Variants in ANTXRL observed in about 807,000 individuals in gnomAD.
The protein encoded by ANTXRL is ANTXR like.
ANTXRL carries 63 observed loss-of-function variants against 75.4 expected under a neutral mutation model. The observed-to-expected ratio is 0.84, with a 90% CI of 0.68 to 1.03. The LOEUF is 1.03. ANTXRL is among the 50% of genes least tolerant of loss of function. The probability of loss-of-function intolerance (pLI) is 0.00; values close to 1 mark genes in which losing one functional copy is unlikely to be tolerated. For synonymous variants in ANTXRL, 335 were observed against 291.3 expected (o/e 1.15, Z -1.53); for missense variants, 797 against 789.4 (o/e 1.01, Z -0.12).
rs536513655 is a variant in ANTXRL, at chr10:46,325,267, G to A, written c.1411-4332G>A. Among the ~76,000 whole-genome samples, 3 of 152,248 alleles carry A rather than the reference G, an allele frequency of 2.0e-5. No individual in the cohort carries two copies. In the East Asian group the frequency reaches 5.8e-4, roughly 29 times the overall value. On this transcript the variant is annotated intron_variant, in intron 16 of 16. Transcript: ENST00000620264. ...GGGAGGAGCCTTGGTGGTAGACTGA[G>A]ACAAAAGTCAACAATCTCCTTTCCC...
intron 2 of ANTXRL, among the ~76,000 whole-genome samples, chr10:46,293,264 A>G (rs1213001511): frequency 4.2e-5 from 4 of 95,114 alleles, no homozygotes; most frequent in African/African-American, 1.2e-4. Context: ...GGGTGTGTAT[A>G]CCTGTGCGTG....
chr10:46,303,234 G>C (rs1837865316), intron 10 of ANTXRL, among the ~76,000 whole-genome samples: 1 of 152,162 alleles, frequency 6.6e-6, no homozygotes, highest in African/African-American at 2.4e-5. Flanking sequence ...CCAGTAGCTT[G>C]CCCAGAGGGG....
intron 10 of ANTXRL, among the ~76,000 whole-genome samples, chr10:46,304,599 G>T (rs1468280224): frequency 6.6e-6 from 1 of 152,110 alleles, no homozygotes; most frequent in African/African-American, 2.4e-5. Context: ...AGGCATATAG[G>T]CATAAAACCC....
At chr10:46,287,579 A>G (rs1264193414) in intron 1 of ANTXRL, 69 bp downstream of exon 1, 2 of 1,475,800 alleles carry the variant, frequency 1.4e-6, no homozygotes, top group Non-Finnish European at 1.8e-6. Flanking sequence ...CACTAGGGAC[A>G]GGACACCACT....
At chr10:46,322,184 T>C (rs944346182) in intron 16 of ANTXRL, among the ~76,000 whole-genome samples, 2 of 152,064 alleles carry the variant, frequency 1.3e-5, no homozygotes, top group South Asian at 2.1e-4. Context: ...TGATACCCCG[T>C]TGAGGTTGGC....
intron 10 of ANTXRL, among the ~76,000 whole-genome samples, chr10:46,304,163 A>G (rs1217246544): frequency 9.2e-5 from 14 of 152,180 alleles, no homozygotes; most frequent in Non-Finnish European, 4.4e-5. Context: ...GCTAATGCTT[A>G]CTGAGCACTT....
intron 10 of ANTXRL, among the ~76,000 whole-genome samples, chr10:46,304,802 T>C (rs1450836578): frequency 1.3e-5 from 2 of 152,172 alleles, no homozygotes; most frequent in African/African-American, 4.8e-5. Flanking sequence ...ATCTGCCTTC[T>C]GCCTCCCTGT....
chr10:46,301,327 C>T (rs1388424612), intron 9 of ANTXRL, among the ~76,000 whole-genome samples: 1 of 152,236 alleles, frequency 6.6e-6, no homozygotes, highest in Non-Finnish European at 1.5e-5. Flanking sequence ...CTGAGGGGCC[C>T]ATGTCTAGTT....
At chr10:46,326,002 G>C (rs548583475) in intron 16 of ANTXRL, among the ~76,000 whole-genome samples, 1 of 151,918 alleles carries the variant, frequency 6.6e-6, no homozygotes, top group East Asian at 1.9e-4. Flanking sequence ...CTTTACAGTG[G>C]CTCTAAGCTC....
chr10:46,295,463 G>GGTTAGAGTTAGAGTTAGAGTTAGA (rs74312662), intron 3 of ANTXRL, among the ~76,000 whole-genome samples: 3 of 90,382 alleles, frequency 3.3e-5, no homozygotes, highest in African/African-American at 1.2e-4. Flanking sequence ...TTAGGGTTTG[G>GGTTAGAGTTAGAGTTAGAGTTAGA]GTTAGAGTTA....
intron 7 of ANTXRL, 134 bp from the exon 8 acceptor site, chr10:46,297,697 A>C: frequency 1.1e-6 from 1 of 912,268 alleles, no homozygotes; most frequent in Non-Finnish European, 1.7e-6. Flanking sequence ...TGCTGGCTGG[A>C]GAAGTCTGTG....
intron 12 of ANTXRL, 142 bp downstream of exon 12, chr10:46,307,622 G>T (rs1440027469): frequency 2.4e-6 from 2 of 816,648 alleles, no homozygotes; most frequent in Non-Finnish European, 2.0e-6. Context: ...GCTCCAACCC[G>T]GCTTCTGGAT....
chr10:46,304,191 A>C (rs1399174045), intron 10 of ANTXRL, among the ~76,000 whole-genome samples: 1 of 152,156 alleles, frequency 6.6e-6, no homozygotes, highest in Non-Finnish European at 1.5e-5. Flanking sequence ...ATATCGTGCC[A>C]AGTGCCTTAT....
At chr10:46,308,224 T>C (rs1277529798) in intron 12 of ANTXRL, among the ~76,000 whole-genome samples, 1 of 152,170 alleles carries the variant, frequency 6.6e-6, no homozygotes, top group Non-Finnish European at 1.5e-5. Context: ...CATCCATGCA[T>C]GGATCTGCAG....
At position 46,313,258 on chromosome 10, in the gene ANTXRL, A is replaced by G; in HGVS notation, c.1352A>G (p.Asp451Gly). The G allele has an allele frequency of 6.5e-7, 1 of 1,535,628 alleles. No individual in the cohort carries two copies. The highest frequency in any genetic ancestry group is 1.2e-5 in the South Asian group (1 of 84,030). The change falls in exon 16 of 17, where the codon GAC (aspartate) becomes GGC (glycine). Residue 451 changes from aspartate to glycine, a missense_variant. Physicochemically the swap from Asp to Gly is moderately conservative, Grantham distance 94. Around this residue, in one of 3 missense-constraint regions of ANTXRL, gnomAD observed 479 missense variants for 422.0 expected, o/e 1.14. Coordinates refer to ENST00000620264, the MANE Select transcript of ANTXRL (RefSeq NM_001278688.3). ...RIEGNLDTFC[D>G]LSHASCHQVP... Reference sequence around the variant, plus strand: ...CAGGGCAATCTGGATACCTTTTGTGACCTCTCTCACGCAAGCTGCCACCAG... The same window carrying G: ...CAGGGCAATCTGGATACCTTTTGTGGCCTCTCTCACGCAAGCTGCCACCAG...
At chr10:46,302,890 C>G in intron 10 of ANTXRL, 70 bp downstream of exon 10, 1 of 1,233,594 alleles carries the variant, frequency 8.1e-7, no homozygotes, top group South Asian at 1.3e-5. Flanking sequence ...CACAGCCAGC[C>G]AAGCCTCCCA....
At position 46,292,111 on chromosome 10, in the gene ANTXRL, C is replaced by T; in HGVS notation, c.302C>T (p.Thr101Ile). 6.5e-7 allele frequency: 1 copy of T among 1,536,258 alleles called. No individual in the cohort carries two copies. The highest frequency in any genetic ancestry group is 1.7e-4 in the Middle Eastern group (1 of 5,978). The change falls in exon 2 of 17, where the codon ACA becomes ATA. Residue 101 changes from threonine (T) to isoleucine (I), a missense_variant. Thr to Ile is a moderately conservative substitution (Grantham distance 89). This residue lies in a region of ANTXRL where 262 missense variants were observed against 271.9 expected (regional missense o/e 0.96). Coordinates refer to ENST00000620264, the MANE Select transcript of ANTXRL (RefSeq NM_001278688.3). ...GACCTTTATATGTGGGTGGAGGAAA[C>T]AGTGGCGAGGTTCCAAAGGTACAGA... ...WIDLYMWVEE[T>I]VARFQSPNIR...
intron 1 of ANTXRL, among the ~76,000 whole-genome samples, chr10:46,289,971 C>T (rs2132636112): frequency 6.6e-6 from 1 of 151,898 alleles, no homozygotes; most frequent in South Asian, 2.1e-4. Context: ...CATGTTGTCG[C>T]ATCCATCAGA....
intron 10 of ANTXRL, 135 bp downstream of exon 10, chr10:46,302,955 G>A: frequency 1.4e-6 from 1 of 695,564 alleles, no homozygotes; most frequent in Non-Finnish European, 2.4e-6. Flanking sequence ...ATGAGGACAA[G>A]TGGAAGGAGG....
Sources: allele counts gnomAD v4.1 joint callset (sites outside exome capture counted in the v4.1 genomes callset), GRCh38; gene constraint gnomAD v4.1.1; regional missense constraint gnomAD v4.1.1; transcripts MANE v1.5; gene names NCBI Gene and HGNC (gene_info 2026-07-23, HGNC 2026-07-21).